The following RAPGEF4 variants were observed in gnomAD, a reference collection of about 807,000 sequenced individuals.
RAPGEF4 encodes the protein RAP guanine-nucleotide-exchange factor (GEF) 4.
In RAPGEF4, 66 loss-of-function variants were observed where a neutral mutation model predicts 147.9. That is an observed-to-expected ratio of 0.45 (90% confidence interval 0.37 to 0.55). The LOEUF (loss-of-function observed/expected upper bound fraction) is 0.55, where lower values mean the gene tolerates loss of function less well. Ranked by LOEUF, RAPGEF4 falls within the 20% of genes least tolerant of loss-of-function variation. The pLI, the probability that RAPGEF4 is intolerant of heterozygous loss-of-function variation, is 0.00. For synonymous variants in RAPGEF4, 419 were observed against 442.7 expected (o/e 0.95, Z 0.67); for missense variants, 1,071 against 1,257.3 (o/e 0.85, Z 2.24).
At chr2:173,029,037 T>G (rs2105965573) in intron 25 of RAPGEF4, among the ~76,000 whole-genome samples, 1 of 152,284 alleles carries the variant, frequency 6.6e-6, no homozygotes, top group East Asian at 1.9e-4. Flanking sequence ...GGCAAACACA[T>G]AGATGCGATT....
At chr2:172,884,764 GTATTAT>G (rs1205096181) in intron 4 of RAPGEF4, among the ~76,000 whole-genome samples, 3 of 152,146 alleles carry the variant, frequency 2.0e-5, no homozygotes, top group Non-Finnish European at 4.4e-5. Flanking sequence ...CTGTGATATG[GTATTAT>G]TTTTTTCCAA....
intron 4 of RAPGEF4, among the ~76,000 whole-genome samples, chr2:172,853,085 A>T (rs1356468051): frequency 6.6e-6 from 1 of 151,144 alleles, no homozygotes; most frequent in African/African-American, 2.4e-5. Context: ...GTTTGTGTCT[A>T]TGTTCATAGC....
At chr2:172,996,352 T>C in intron 15 of RAPGEF4, 114 bp from the exon 16 acceptor site, 1 of 566,662 alleles carries the variant, frequency 1.8e-6, no homozygotes, top group South Asian at 2.5e-5. Context: ...CCATGAAAGG[T>C]ATATGGTTCC....
chr2:172,751,221 G>A (rs374973079), intron 1 of RAPGEF4, among the ~76,000 whole-genome samples: 1 of 152,140 alleles, frequency 6.6e-6, no homozygotes, highest in South Asian at 2.1e-4. Context: ...CATTCATTTA[G>A]AGATTTTACT....
chr2:172,835,294 T>C (rs1241216047), intron 4 of RAPGEF4, among the ~76,000 whole-genome samples: 2 of 152,222 alleles, frequency 1.3e-5, no homozygotes, highest in African/African-American at 4.8e-5. Flanking sequence ...TTCAGATCAA[T>C]TAAAGGATGT....
At chr2:172,945,885 C>T (rs10490703) in intron 6 of RAPGEF4, among the ~76,000 whole-genome samples, 1 of 152,112 alleles carries the variant, frequency 6.6e-6, no homozygotes, top group African/African-American at 2.4e-5. Flanking sequence ...AATATCTCAT[C>T]CAAAGTTACC....
rs899831585 is a variant in RAPGEF4 at position 173,042,042 on chromosome 2, T to G, written c.2853+5350T>G. Among the ~76,000 whole-genome samples the G allele has an allele frequency of 1.6e-4, 24 of 152,148 alleles. 1 individual carries two copies. The highest frequency in any genetic ancestry group is 7.4e-5 in the Non-Finnish European group (5 of 68,014). ...CACCCAGCACTCTCCAACACAACCT[T>G]GCCTTGATAGGGGTTTCACAGCCTG... On this transcript the variant is annotated intron_variant, in intron 29 of 30. Coordinates refer to ENST00000397081, the MANE Select transcript of RAPGEF4 (RefSeq NM_007023.4). The surrounding 1 kb of genome is among the most constrained non-coding windows in gnomAD (Gnocchi z 4.2).
intron 26 of RAPGEF4, among the ~76,000 whole-genome samples, chr2:173,031,083 G>T (rs79906842): frequency 0.032 from 4,826 of 152,288 alleles, 93 homozygotes; most frequent in Middle Eastern, 0.071. Context: ...TTGCAATGGT[G>T]CTTAAAGGCA....
chr2:172,812,280 G>GC (rs1302020574), intron 3 of RAPGEF4, among the ~76,000 whole-genome samples: 1 of 152,200 alleles, frequency 6.6e-6, no homozygotes, highest in Non-Finnish European at 1.5e-5. Flanking sequence ...GGGTGCTTGA[G>GC]CTGATGACTG....
At chr2:173,034,089 C>G (rs762620902) in intron 27 of RAPGEF4, 125 bp downstream of exon 27, 33 of 846,020 alleles carry the variant, frequency 3.9e-5, no homozygotes, top group Non-Finnish European at 5.6e-5. Context: ...AGTTTATGAT[C>G]CCTTTTAGTG....
chr2:172,963,171 G>T (rs1689475390), intron 8 of RAPGEF4, among the ~76,000 whole-genome samples: 1 of 152,090 alleles, frequency 6.6e-6, no homozygotes, highest in South Asian at 2.1e-4. Context: ...GGGAAAATTT[G>T]CCCCCGTGAT....
rs554971634 is a variant in RAPGEF4, at chr2:172,765,342, G to A, written c.65+29294G>A. ...CCAGGTGGCATGACTTTGGAGGGTA[G>A]GGGTGACACTGTTCAACCCAGTACA... On this transcript the variant is annotated intron_variant, in intron 1 of 30. Transcript: ENST00000397081. Among the ~76,000 whole-genome samples the A allele has an allele frequency of 2.9e-4, 44 of 152,316 alleles. No individual in the cohort carries two copies. The East Asian group carries it at 6.4e-3, about 22-fold the overall frequency.
chr2:172,819,133 C>G (rs1688799120), intron 4 of RAPGEF4, among the ~76,000 whole-genome samples: 1 of 151,972 alleles, frequency 6.6e-6, no homozygotes, highest in African/African-American at 2.4e-5. Context: ...GACCTGGTTT[C>G]CTTCTCCTTT....
At chr2:172,818,551 A>C (rs1688737278) in intron 4 of RAPGEF4, among the ~76,000 whole-genome samples, 1 of 152,110 alleles carries the variant, frequency 6.6e-6, no homozygotes, top group Admixed American at 6.5e-5. Flanking sequence ...TTTACTTTTG[A>C]GGAATGTCCT....
At chr2:173,015,183 A>G (rs147761778) in intron 18 of RAPGEF4, among the ~76,000 whole-genome samples, 1 of 152,258 alleles carries the variant, frequency 6.6e-6, no homozygotes, top group African/African-American at 2.4e-5. Context: ...TTTTGAGTGG[A>G]GTGGAGCAGA....
chr2:172,861,095 C>T (rs1693991873), intron 4 of RAPGEF4, among the ~76,000 whole-genome samples: 1 of 152,146 alleles, frequency 6.6e-6, no homozygotes, highest in Admixed American at 6.6e-5. Flanking sequence ...GTGGAACTCT[C>T]TGAGATATCC....
intron 1 of RAPGEF4, among the ~76,000 whole-genome samples, chr2:172,769,490 G>T (rs931970503): frequency 1.3e-5 from 2 of 152,100 alleles, no homozygotes; most frequent in African/African-American, 4.8e-5. Context: ...AATTTCCCCT[G>T]GTTGACAAGA....
At chr2:172,978,785 T>G (rs1236544622) in intron 10 of RAPGEF4, among the ~76,000 whole-genome samples, 1 of 152,244 alleles carries the variant, frequency 6.6e-6, no homozygotes, top group African/African-American at 2.4e-5. Context: ...ATCCAGGAAT[T>G]CCTAAAACTT....
intron 4 of RAPGEF4, among the ~76,000 whole-genome samples, chr2:172,900,672 C>G (rs1290338226): frequency 6.6e-6 from 1 of 152,200 alleles, no homozygotes; most frequent in Admixed American, 6.5e-5. Context: ...CTCCCTTTCT[C>G]TCCTATATTT....
Sources: gnomAD v4.1 joint callset for allele counts (sites outside exome capture counted in the v4.1 genomes callset) on GRCh38, gnomAD v4.1.1 for gene constraint, Gnocchi (gnomAD v3.1) non-coding constraint, MANE v1.5 for transcripts, NCBI Gene and HGNC (gene_info 2026-07-23, HGNC 2026-07-21) for gene names.